SND1: variants seen among roughly 807,000 people sequenced by gnomAD.
SND1 encodes staphylococcal nuclease domain-containing protein 1.
In SND1, 38 loss-of-function variants were observed where a neutral mutation model predicts 121.7. The ratio of observed to expected loss-of-function variants is 0.31; its 90% CI spans 0.24 to 0.41. SND1 has a LOEUF of 0.41. Ranked by LOEUF, SND1 falls within the 10% of genes least tolerant of loss-of-function variation. The probability of loss-of-function intolerance (pLI) is 1.00; values close to 1 mark genes in which losing one functional copy is unlikely to be tolerated. For missense variants in SND1, 868 were observed against 1,184.6 expected, an observed-to-expected ratio of 0.73 and a Z score of 3.92; for synonymous variants, 401 against 447.4, an observed-to-expected ratio of 0.90 and a Z score of 1.31.
chr7:127,734,366 A>G (rs1344180504), intron 10 of SND1, among the ~76,000 whole-genome samples: 1 of 152,164 alleles, frequency 6.6e-6, no homozygotes, highest in Non-Finnish European at 1.5e-5. Flanking sequence ...GCTGATGTTT[A>G]GGTGGGGCCT....
At chr7:127,884,440 C>G (rs1799854999) in intron 12 of SND1, among the ~76,000 whole-genome samples, 1 of 152,150 alleles carries the variant, frequency 6.6e-6, no homozygotes, top group South Asian at 2.1e-4. Context: ...CTACTTCAGC[C>G]AAGGCTATGC....
chr7:127,966,151 T>G (rs1801847280), intron 15 of SND1, among the ~76,000 whole-genome samples: 1 of 151,316 alleles, frequency 6.6e-6, no homozygotes, highest in African/African-American at 2.4e-5. Flanking sequence ...CTCTCTTTTT[T>G]TCTTTATTAG....
chr7:128,009,274 T>A (rs1280310668), intron 16 of SND1, among the ~76,000 whole-genome samples: 1 of 152,198 alleles, frequency 6.6e-6, no homozygotes, highest in Non-Finnish European at 1.5e-5. Flanking sequence ...TAGGGCCTGG[T>A]GAGCCTGGTG....
chr7:127,666,722 G>A (rs775296556), intron 1 of SND1, among the ~76,000 whole-genome samples: 1 of 152,088 alleles, frequency 6.6e-6, no homozygotes, highest in Non-Finnish European at 1.5e-5. Context: ...TGCAGTGCCG[G>A]GATCATAAAC....
chr7:127,782,728 A>G (rs1378444100), intron 10 of SND1, among the ~76,000 whole-genome samples: 4 of 152,112 alleles, frequency 2.6e-5, no homozygotes, highest in Admixed American at 2.0e-4. Context: ...TCTGTGTGTG[A>G]TTGTGGGTTG....
chr7:127,940,196 T>A (rs1801162848), intron 15 of SND1, among the ~76,000 whole-genome samples: 1 of 152,158 alleles, frequency 6.6e-6, no homozygotes, highest in South Asian at 2.1e-4. Flanking sequence ...TGATGGCTTT[T>A]CTCTGTTGGA....
At chr7:127,951,724 A>C (rs1801467337) in intron 15 of SND1, among the ~76,000 whole-genome samples, 1 of 152,196 alleles carries the variant, frequency 6.6e-6, no homozygotes, top group Admixed American at 6.5e-5. Flanking sequence ...AATGTGCCTG[A>C]GATCAGGGTC....
chr7:127,975,305 G>A (rs1416934444), intron 15 of SND1, among the ~76,000 whole-genome samples: 1 of 152,168 alleles, frequency 6.6e-6, no homozygotes, highest in Non-Finnish European at 1.5e-5. Context: ...ACACTCAGGA[G>A]AAGCATTACT....
intron 16 of SND1, among the ~76,000 whole-genome samples, chr7:128,033,059 C>G (rs1467489583): frequency 6.6e-6 from 1 of 152,192 alleles, no homozygotes; most frequent in African/African-American, 2.4e-5. Context: ...CCCGCTGCCC[C>G]CAGAGAACTG....
chr7:127,705,483 C>T (rs955082747), intron 8 of SND1, among the ~76,000 whole-genome samples: 20 of 152,120 alleles, frequency 1.3e-4, no homozygotes, highest in Admixed American at 2.6e-4. Flanking sequence ...TGTTGGCTAT[C>T]GTTAAAGCAG....
At chr7:128,090,280 T>C (rs796402516) in intron 22 of SND1, among the ~76,000 whole-genome samples, 6 of 152,310 alleles carry the variant, frequency 3.9e-5, no homozygotes, top group African/African-American at 1.4e-4. Context: ...GGGCTGATCG[T>C]GACAATCAGT....
chr7:127,685,702 A>C (rs192502103), intron 1 of SND1, among the ~76,000 whole-genome samples: 3 of 152,306 alleles, frequency 2.0e-5, no homozygotes, highest in Admixed American at 2.0e-4. Context: ...CACTGACTGC[A>C]CTTGGGAGCC....
At chr7:127,839,742 C>A (rs1393804306) in intron 11 of SND1, among the ~76,000 whole-genome samples, 2 of 152,136 alleles carry the variant, frequency 1.3e-5, no homozygotes, top group Non-Finnish European at 2.9e-5. Context: ...AGGTTGCCTG[C>A]TACCCTCTTA....
chr7:127,722,307 CTTT>C (rs34026000), intron 10 of SND1, among the ~76,000 whole-genome samples: 3 of 139,310 alleles, frequency 2.2e-5, no homozygotes, highest in East Asian at 2.1e-4. Context: ...CTACTGCCTG[CTTT>C]TTTTTTTTTT....
chr7:127,883,857 AC>A (rs1799843905), intron 12 of SND1, among the ~76,000 whole-genome samples: 1 of 152,138 alleles, frequency 6.6e-6, no homozygotes, highest in African/African-American at 2.4e-5. Flanking sequence ...TTTCTTCATG[AC>A]CATAAAGTTA....
At chr7:127,793,793 T>TCCCC (rs1797960109) in intron 10 of SND1, among the ~76,000 whole-genome samples, 1 of 152,124 alleles carries the variant, frequency 6.6e-6, no homozygotes, top group Non-Finnish European at 1.5e-5. Flanking sequence ...TTCCCCATTC[T>TCCCC]TGCCCTCCTC....
At chr7:127,938,857 T>C (rs1157284188) in intron 15 of SND1, among the ~76,000 whole-genome samples, 2 of 152,234 alleles carry the variant, frequency 1.3e-5, no homozygotes, top group African/African-American at 4.8e-5. Context: ...CTCATCATAC[T>C]TGTGGGTCAT....
rs373321353 is a variant in SND1, at chr7:127,888,406, T to C, written c.1454+394T>C. Among the ~76,000 whole-genome samples the C allele has an allele frequency of 2.0e-5, 3 of 152,080 alleles. No homozygotes were observed. In the East Asian group the frequency reaches 5.8e-4, roughly 29 times the overall value. On this transcript the variant is annotated intron_variant, in intron 13 of 23. Transcript: ENST00000354725. ...TCCAAAGGCCTCTACTCCTAGCCCC[T>C]CCCGTTTACCACCTCTAGACCTTTT...
chr7:127,754,179 G>T (rs1028681217), intron 10 of SND1, among the ~76,000 whole-genome samples: 34 of 152,170 alleles, frequency 2.2e-4, no homozygotes, highest in Non-Finnish European at 4.9e-4. Context: ...TTCTCTGTTG[G>T]AATTGTATAG....
Sources: gnomAD v4.1 joint callset for allele counts (sites outside exome capture counted in the v4.1 genomes callset) on GRCh38, gnomAD v4.1.1 for gene constraint, MANE v1.5 for transcripts, NCBI Gene and HGNC (gene_info 2026-07-23, HGNC 2026-07-21) for gene names.